Variants in SLC22A4 observed in about 807,000 individuals in gnomAD.
SLC22A4 encodes the protein solute carrier family 22 member 4, also known as ET transporter.
In SLC22A4, 39 loss-of-function variants were observed where a neutral mutation model predicts 56.6. The ratio of observed to expected loss-of-function variants is 0.69; its 90% confidence interval spans 0.53 to 0.90. The LOEUF is 0.90. SLC22A4 is among the 40% of genes least tolerant of loss of function. The pLI is 0.00. For synonymous variants in SLC22A4, 241 were observed against 281.4 expected (o/e 0.86, Z 1.44); for missense variants, 594 against 696.5 (o/e 0.85, Z 1.66).
intron 8 of SLC22A4, among the ~76,000 whole-genome samples, chr5:132,340,063 GTTTTTTTTTTT>G (rs4646203): frequency 1.1e-5 from 1 of 94,868 alleles, no homozygotes; most frequent in African/African-American, 4.0e-5. Flanking sequence ...ATACTTAGTT[GTTTTTTTTTTT>G]TTTTTTTTTT....
chr5:132,342,170 A>T (rs1751238567), intron 9 of SLC22A4, among the ~76,000 whole-genome samples: 1 of 152,220 alleles, frequency 6.6e-6, no homozygotes. Context: ...CCACAAAGAC[A>T]AAAGTCAATA....
rs56259514 is a variant in SLC22A4 at position 132,308,372 on chromosome 5, ATTTTTTTTTTTT to A, written c.394-3763_394-3752del. Among the ~76,000 whole-genome samples, 36 of 61,328 alleles carry A rather than the reference ATTTTTTTTTTTT, an allele frequency of 5.9e-4. 1 individual carries two copies. Among genetic ancestry groups the A allele is most frequent in the African/African-American group, 2.0e-3 (27 of 13,308 alleles). 40.2% of individuals were successfully genotyped at this position (61,328 alleles called of 152,430 possible). ...TGTCAGTTGAATCAATGATTAAGCA[ATTTTTTTTTTTT>A]TTTTTTTTTTTTTTTTTTTTTTTTT... On this transcript the variant is annotated intron_variant, in intron 1 of 9. Transcript: ENST00000200652.
intron 1 of SLC22A4, among the ~76,000 whole-genome samples, chr5:132,296,838 T>C (rs1398998046): frequency 6.6e-6 from 1 of 152,238 alleles, no homozygotes. Context: ...CTGGTTTTGT[T>C]CACTGTAGGG....
chr5:132,325,992 T>C (rs537205158), intron 4 of SLC22A4, among the ~76,000 whole-genome samples: 1 of 152,374 alleles, frequency 6.6e-6, no homozygotes, highest in African/African-American at 2.4e-5. Context: ...CTGCATAAAC[T>C]GACCTTTCAT....
At chr5:132,310,506 T>C (rs1445615510) in intron 1 of SLC22A4, among the ~76,000 whole-genome samples, 2 of 152,340 alleles carry the variant, frequency 1.3e-5, no homozygotes, top group East Asian at 1.9e-4. Context: ...CTGAAGCCCA[T>C]GCAAGAGCCC....
Position 132,312,264 on chromosome 5 carries a change from G to C in SLC22A4, c.497G>C (p.Arg166Thr), listed in dbSNP as rs773811534. 2 of 1,598,734 alleles carry C rather than the reference G, an allele frequency of 1.3e-6. No individual in the cohort carries two copies. The highest frequency in any genetic ancestry group is 2.7e-5 in the African/African-American group (2 of 74,620). The change falls in exon 2 of 10, where the codon AGG becomes ACG. Residue 166 changes from arginine (R) to threonine (T), a missense_variant and splice_region_variant. Physicochemically the swap from Arg to Thr is moderately conservative, Grantham distance 71 (BLOSUM62 -1). Transcript: ENST00000200652. ...TTCGTGTCCGGGCAGCTGTCAGACA[G>C]GTAAGCACATGGGAGGGGAGGAAGG... Reference protein sequence around the residue: ...GSFVSGQLSDRFGRKNVLFAT... With the variant: ...GSFVSGQLSDTFGRKNVLFAT...
intron 4 of SLC22A4, among the ~76,000 whole-genome samples, chr5:132,325,540 T>G (rs1378374087): frequency 6.6e-6 from 1 of 152,222 alleles, no homozygotes; most frequent in Non-Finnish European, 1.5e-5. Flanking sequence ...CATGTGCTAT[T>G]AAGCTGGAGA....
chr5:132,304,689 T>C (rs926009852), intron 1 of SLC22A4, among the ~76,000 whole-genome samples: 1 of 152,048 alleles, frequency 6.6e-6, no homozygotes, highest in African/African-American at 2.4e-5. Flanking sequence ...CTACAATATA[T>C]TATCTAAAAT....
chr5:132,341,489 G>A, intron 9 of SLC22A4, among the ~76,000 whole-genome samples: 1 of 152,088 alleles, frequency 6.6e-6, no homozygotes, highest in East Asian at 1.9e-4. Context: ...AATGGTATAG[G>A]AATAGAAACC....
intron 8 of SLC22A4, among the ~76,000 whole-genome samples, chr5:132,337,903 T>C (rs1751076368): frequency 6.2e-5 from 1 of 16,196 alleles, no homozygotes; most frequent in South Asian, 6.5e-4. Flanking sequence ...GTCCGGCTAA[T>C]TTTTTTTTTT....
chr5:132,343,821 A>G lies in SLC22A4; in HGVS notation c.1642A>G (p.Ile548Val). The G allele has an allele frequency of 3.7e-6, 6 of 1,603,188 alleles. No individual in the cohort carries two copies. Among genetic ancestry groups the G allele is most frequent in the African/African-American group, 1.3e-5 (1 of 74,812 alleles). The change falls in exon 10 of 10, where the codon ATA becomes GTA. Residue 548 changes from isoleucine (I) to valine (V), a missense_variant. By Grantham distance (29) the Ile-to-Val change is conservative (BLOSUM62 3). Coordinates refer to ENST00000200652, the MANE Select transcript of SLC22A4 (RefSeq NM_003059.3). ...METEENPKVL[I>V]TAF The stretch of plus-strand genomic sequence containing the variant: ...GACAGAAGAAAATCCCAAGGTTCTA[A>G]TAACTGCATTCTGAAAAAATATCTA...
At chr5:132,340,438 T>G in intron 8 of SLC22A4, 127 bp from the exon 9 acceptor site, 1 of 928,568 alleles carries the variant, frequency 1.1e-6, no homozygotes, top group South Asian at 1.3e-5. Context: ...CTTACTTTTT[T>G]TTCTCTGAAA....
In SLC22A4 at chr5:132,299,560, G is replaced by A. The variant is rs146324961; in HGVS notation, c.393+4551G>A. ...TTCTCCTGCCTCAGCCTCCCGAGTA[G>A]CTGGGATTACAGGGGCCTGCTACCA... On this transcript the variant is annotated intron_variant, in intron 1 of 9. Transcript: ENST00000200652. 8.6e-3 allele frequency among the ~76,000 whole-genome samples: 1,303 copies of A among 152,116 alleles called. 13 individuals carry two copies. Among genetic ancestry groups the A allele is most frequent in the African/African-American group, 0.03 (1,230 of 41,494 alleles).
At chr5:132,331,234 G>T (rs1246803116) in intron 5 of SLC22A4, among the ~76,000 whole-genome samples, 4 of 151,838 alleles carry the variant, frequency 2.6e-5, no homozygotes, top group African/African-American at 9.7e-5. Flanking sequence ...TCAGGAGGCT[G>T]AGAGGCAGGA....
intron 5 of SLC22A4, among the ~76,000 whole-genome samples, chr5:132,329,891 C>T (rs139649671): frequency 1.1e-4 from 16 of 152,244 alleles, no homozygotes; most frequent in African/African-American, 3.1e-4. Context: ...TTAAAAGAGT[C>T]GAAGTAGGCA....
At chr5:132,311,028 CT>C (rs1399461605) in intron 1 of SLC22A4, among the ~76,000 whole-genome samples, 1 of 152,126 alleles carries the variant, frequency 6.6e-6, no homozygotes, top group Non-Finnish European at 1.5e-5. Context: ...ACATTTTTCT[CT>C]TGTGTGTGTC....
intron 1 of SLC22A4, chr5:132,311,598 G>A (rs554106452): frequency 6.2e-6 from 1 of 161,764 alleles, no homozygotes; most frequent in South Asian, 1.7e-4. Flanking sequence ...CAGGCCACAA[G>A]CTTGGCCTAG....
Position 132,343,991 on chromosome 5 carries a change from T to C in SLC22A4, c.*156T>C. On this transcript the variant is annotated 3_prime_UTR_variant, in exon 10 of 10. Transcript: ENST00000200652. ...TCGTCATACAGTAAACTCTGGATGATTCTTCCAGATAATGTCCTTGCTTTA... is the reference window on the plus strand; with the variant it reads ...TCGTCATACAGTAAACTCTGGATGACTCTTCCAGATAATGTCCTTGCTTTA... 1 of 603,558 alleles carries C rather than the reference T, an allele frequency of 1.7e-6. No individual in the cohort carries two copies. Among genetic ancestry groups the C allele is most frequent in the South Asian group, 2.2e-5 (1 of 45,094 alleles). 37.4% of individuals were successfully genotyped at this position (603,558 alleles called of 1,614,324 possible).
chr5:132,318,360 C>A (rs57600888), intron 3 of SLC22A4, among the ~76,000 whole-genome samples: 11,677 of 152,230 alleles, frequency 0.077, 574 homozygotes, highest in East Asian at 0.27. Flanking sequence ...ATAATAATAT[C>A]TCCATGAAAG....
Sources: allele counts gnomAD v4.1 joint callset (sites outside exome capture counted in the v4.1 genomes callset), GRCh38; gene constraint gnomAD v4.1.1; transcripts MANE v1.5; gene names NCBI Gene and HGNC (gene_info 2026-07-23, HGNC 2026-07-21).